The following WDR19 variants were observed in gnomAD, a reference collection of about 807,000 sequenced individuals.
The protein encoded by WDR19 is WD repeat-containing protein 19.
A neutral mutation model predicts 180.0 loss-of-function variants in WDR19; 121 were observed. The ratio of observed to expected loss-of-function variants is 0.67; its 90% CI spans 0.58 to 0.78. The LOEUF is 0.78. Ranked by LOEUF, WDR19 falls within the 30% of genes least tolerant of loss-of-function variation. The pLI, the probability that WDR19 is intolerant of heterozygous loss-of-function variation, is 0.00. For missense variants in WDR19, 1,450 were observed against 1,640.7 expected (o/e 0.88, Z 2.01); for synonymous variants, 497 against 540.7 (o/e 0.92, Z 1.12).
At chr4:39,242,227 G>A (rs1732033119) in intron 21 of WDR19, among the ~76,000 whole-genome samples, 1 of 151,628 alleles carries the variant, frequency 6.6e-6, no homozygotes, top group Non-Finnish European at 1.5e-5. Context: ...ACCACACCCA[G>A]ATAATTTTTT....
intron 15 of WDR19, among the ~76,000 whole-genome samples, chr4:39,226,667 C>T (rs187157573): frequency 2.0e-4 from 31 of 152,110 alleles, no homozygotes; most frequent in Non-Finnish European, 3.2e-4. Flanking sequence ...ATCTGTAAAA[C>T]GGGAATAATA....
chr4:39,199,722 A>C (rs970652325), intron 6 of WDR19, 129 bp downstream of exon 6: 2 of 641,484 alleles, frequency 3.1e-6, no homozygotes, highest in Non-Finnish European at 2.6e-6. Flanking sequence ...GTGTGTGTAT[A>C]CACAATAACT....
intron 3 of WDR19, among the ~76,000 whole-genome samples, chr4:39,189,191 TGG>T (rs1442867588): frequency 6.6e-6 from 1 of 152,198 alleles, no homozygotes; most frequent in Non-Finnish European, 1.5e-5. Context: ...CCCAAAGTGC[TGG>T]GATTACAGGT....
chr4:39,283,848 T>G (rs1346039344), intron 36 of WDR19, among the ~76,000 whole-genome samples: 4 of 152,214 alleles, frequency 2.6e-5, no homozygotes, highest in African/African-American at 7.2e-5. Flanking sequence ...TGCTGGTGAC[T>G]TCTTCTCTGT....
rs1485628569 is a variant in WDR19, at chr4:39,282,963, A to C, written c.*14-2524A>C. Among the ~76,000 whole-genome samples, 3 of 152,182 alleles carry C rather than the reference A, an allele frequency of 2.0e-5. No homozygotes were observed. In the East Asian group the frequency reaches 5.8e-4, roughly 29 times the overall value. ...ACACAAAAAATTTACTTATCTTTCC[A>C]ATCTTTATAACTTTTATTTTTCTTC... On this transcript the variant is annotated intron_variant, in intron 36 of 36. Coordinates refer to ENST00000399820, the MANE Select transcript of WDR19 (RefSeq NM_025132.4).
intron 4 of WDR19, among the ~76,000 whole-genome samples, chr4:39,190,566 G>A (rs762680072): frequency 1.3e-5 from 2 of 152,294 alleles, no homozygotes; most frequent in South Asian, 2.1e-4. Flanking sequence ...TACCCCTCAT[G>A]TGGGGAGGAA....
intron 14 of WDR19, among the ~76,000 whole-genome samples, chr4:39,219,948 G>C (rs1391335038): frequency 6.6e-6 from 1 of 152,158 alleles, no homozygotes; most frequent in Non-Finnish European, 1.5e-5. Flanking sequence ...GGCCGGTGCA[G>C]TAGCTCCCAC....
In WDR19 at chr4:39,214,585, C is replaced by A; in HGVS notation, c.891-16C>A. On this transcript the variant is annotated splice_polypyrimidine_tract_variant and intron_variant, in intron 9 of 36. Transcript: ENST00000399820. The stretch of plus-strand genomic sequence containing the variant: ...AGATCATATATATTTTTTAATAATG[C>A]ATTTTTGTTTTTCAGCATTAAAATC... 7.1e-7 allele frequency: 1 copy of A among 1,417,816 alleles called. No homozygotes were observed. Among genetic ancestry groups the A allele is most frequent in the Non-Finnish European group, 9.8e-7 (1 of 1,021,782 alleles). 87.8% of individuals were successfully genotyped at this position (1,417,816 alleles called of 1,614,324 possible).
chr4:39,188,618 C>CAAAAAAAAA (rs60149380), intron 3 of WDR19, among the ~76,000 whole-genome samples: 1 of 81,186 alleles, frequency 1.2e-5, no homozygotes, highest in African/African-American at 4.4e-5. Flanking sequence ...GACCTTGTCT[C>CAAAAAAAAA]AAAAAAAAAA....
At chr4:39,266,485 G>T (rs145954936) in intron 29 of WDR19, among the ~76,000 whole-genome samples, 2,611 of 152,328 alleles carry the variant, frequency 0.017, 36 homozygotes, top group Middle Eastern at 0.041. Context: ...GCAGGCTGTG[G>T]GTTGGACAAG....
intron 36 of WDR19, among the ~76,000 whole-genome samples, chr4:39,281,263 A>AGAGAGAGAGAGAGAGAGAG (rs57108177): frequency 2.7e-4 from 40 of 147,176 alleles, no homozygotes; most frequent in South Asian, 4.3e-4. Context: ...AGAGAGAGAG[A>AGAGAGAGAGAGAGAGAGAG]AAGCCTACTA....
At chr4:39,211,581 TC>T (rs771279499) in intron 9 of WDR19, among the ~76,000 whole-genome samples, 3 of 152,124 alleles carry the variant, frequency 2.0e-5, no homozygotes, top group Non-Finnish European at 4.4e-5. Context: ...GGATATAAGA[TC>T]AACACACAAA....
chr4:39,208,362 A>G (rs907607383), intron 9 of WDR19, among the ~76,000 whole-genome samples: 3 of 140,558 alleles, frequency 2.1e-5, no homozygotes, highest in Non-Finnish European at 4.5e-5. Flanking sequence ...GCTGGAGTGC[A>G]GTGGCATGAT....
rs200133722 is a variant in WDR19 at position 39,234,873 on chromosome 4, C to T, written c.2361C>T (p.Phe787=). 3,400 of 1,552,348 alleles carry T rather than the reference C, an allele frequency of 2.2e-3. 3 individuals carry two copies. The highest frequency in any genetic ancestry group is 2.6e-3 in the Non-Finnish European group (2,969 of 1,145,242). Residue 787 remains phenylalanine (F), a splice_region_variant and synonymous_variant, in exon 20 of 37, where the codon TTC becomes TTT. Transcript: ENST00000399820. ...ISKEYAIQLE[F]AGDYVNALAH... is the part of the protein sequence containing the mutation. ...AAGAATATGCTATTCAGCTTGAATTCGCGTAAGTCTTTGTTTTTATACATT... is the reference window on the plus strand; with the variant it reads ...AAGAATATGCTATTCAGCTTGAATTTGCGTAAGTCTTTGTTTTTATACATT...
At chr4:39,273,412 C>T (rs189757255) in intron 32 of WDR19, 4 of 259,896 alleles carry the variant, frequency 1.5e-5, no homozygotes, top group African/African-American at 2.3e-5. Context: ...AACTCCTCCA[C>T]GACTGACTTG....
chr4:39,216,248 A>G, intron 12 of WDR19, 38 bp downstream of exon 12: 1 of 1,475,058 alleles, frequency 6.8e-7, no homozygotes, highest in Non-Finnish European at 9.0e-7. Flanking sequence ...TATCTAGCAC[A>G]TAATTTCTGT....
intron 36 of WDR19, among the ~76,000 whole-genome samples, chr4:39,282,398 GTTTTTTGT>G (rs1003162904): frequency 2.0e-5 from 3 of 151,978 alleles, no homozygotes; most frequent in Non-Finnish European, 4.4e-5. Flanking sequence ...GTTTTGCAGG[GTTTTTTGT>G]TTGTTTTTGA....
intron 14 of WDR19, among the ~76,000 whole-genome samples, chr4:39,221,536 C>T (rs1203774342): frequency 1.3e-5 from 2 of 152,142 alleles, no homozygotes; most frequent in Non-Finnish European, 2.9e-5. Flanking sequence ...TTTGGACAGG[C>T]GTGGTGGCAC....
chr4:39,234,399 T>C (rs959954022), intron 19 of WDR19, among the ~76,000 whole-genome samples: 7 of 152,226 alleles, frequency 4.6e-5, no homozygotes, highest in Non-Finnish European at 1.0e-4. Context: ...AATCACTACC[T>C]TCTAAAAATA....
Sources: gnomAD v4.1 joint callset for allele counts (sites outside exome capture counted in the v4.1 genomes callset) on GRCh38, gnomAD v4.1.1 for gene constraint, MANE v1.5 for transcripts, NCBI Gene and HGNC (gene_info 2026-07-23, HGNC 2026-07-21) for gene names.